Variants in DRAM2 observed in about 807,000 individuals in gnomAD.
The protein encoded by DRAM2 is DNA damage regulated autophagy modulator 2.
A neutral mutation model predicts 33.5 loss-of-function variants in DRAM2; 26 were observed. The ratio of observed to expected loss-of-function variants is 0.78; its 90% CI spans 0.57 to 1.08. The LOEUF (loss-of-function observed/expected upper bound fraction) is 1.08. DRAM2 is among the 50% of genes least tolerant of loss of function. The pLI is 0.00. For missense variants in DRAM2, 311 were observed against 318.1 expected (o/e 0.98, Z 0.17); for synonymous variants, 98 against 109.5 (o/e 0.89, Z 0.66).
At chr1:111,128,794 C>A (rs570689255) in intron 4 of DRAM2, among the ~76,000 whole-genome samples, 3 of 152,050 alleles carry the variant, frequency 2.0e-5, no homozygotes, top group Non-Finnish European at 2.9e-5. Context: ...AGAAGTGGAA[C>A]CCATGAATAT....
At chr1:111,120,906 T>A (rs1649926388) in intron 6 of DRAM2, among the ~76,000 whole-genome samples, 1 of 152,100 alleles carries the variant, frequency 6.6e-6, no homozygotes, top group South Asian at 2.1e-4. Flanking sequence ...CTATTTCATA[T>A]ACCTCCACTG....
At position 111,117,315 on chromosome 1, in the gene DRAM2, T is replaced by C. The variant is rs1309627362; in HGVS notation, c.*845A>G. 1 of 152,094 alleles carries C rather than the reference T, an allele frequency of 6.6e-6. No homozygotes were observed. The highest frequency in any genetic ancestry group is 1.5e-5 in the Non-Finnish European group (1 of 67,958). The allele number at this position is 152,094 out of a possible 1,614,324, so 9.4% of individuals were successfully genotyped here. A position where few individuals can be genotyped will look rare whatever the true frequency, so the allele number is the denominator to read the frequency against. On this transcript the variant is annotated 3_prime_UTR_variant, in exon 10 of 10. Coordinates refer to ENST00000484310, the MANE Select transcript of DRAM2 (RefSeq NM_001349884.2). ...AATTATAACTTGCCATAAATGAAAA[T>C]CTAAGAAGCTCTTGAGTATGGTTAT...
At chr1:111,123,248 T>G (rs886538842) in intron 6 of DRAM2, among the ~76,000 whole-genome samples, 1 of 152,194 alleles carries the variant, frequency 6.6e-6, no homozygotes, top group Non-Finnish European at 1.5e-5. Flanking sequence ...TGGGAACTAA[T>G]GTCCAGCAAA....
At chr1:111,132,153 G>C (rs538420659) in intron 3 of DRAM2, among the ~76,000 whole-genome samples, 1 of 152,294 alleles carries the variant, frequency 6.6e-6, no homozygotes, top group South Asian at 2.1e-4. Context: ...AAGGCAGAGA[G>C]AGAGGATGAA....
rs1055772130 is a variant in DRAM2, at chr1:111,138,872, A to AT, written c.-79+628dup. Among the ~76,000 whole-genome samples the AT allele has an allele frequency of 2.0e-5, 3 of 152,216 alleles. No individual in the cohort carries two copies. In the South Asian group the frequency reaches 6.2e-4, roughly 32 times the overall value. On this transcript the variant is annotated intron_variant, in intron 2 of 9. Transcript: ENST00000484310. ...TCTATGAATCAAAACTGTGATTACA[A>AT]TTTTTTAACAAATATTTAAATACCC...
chr1:111,118,110 T>TC lies in DRAM2; in HGVS notation c.*49dup. ...AGAATAAGCAACTTCTGTGAACCTTTCCCCAATCCCTGAGAATCATAATCA... is the reference window on the plus strand; with the variant it reads ...AGAATAAGCAACTTCTGTGAACCTTTCCCCCAATCCCTGAGAATCATAATCA... On this transcript the variant is annotated 3_prime_UTR_variant, in exon 10 of 10. Transcript: ENST00000484310. 1 of 1,570,544 alleles carries TC rather than the reference T, an allele frequency of 6.4e-7. No homozygotes were observed. Among genetic ancestry groups the TC allele is most frequent in the Non-Finnish European group, 8.8e-7 (1 of 1,141,326 alleles).
chr1:111,136,121 A>G (rs1653090936), intron 3 of DRAM2, among the ~76,000 whole-genome samples: 1 of 152,192 alleles, frequency 6.6e-6, no homozygotes, highest in South Asian at 2.1e-4. Context: ...CTCTTGGCCT[A>G]TCTGCTTTTC....
intron 6 of DRAM2, among the ~76,000 whole-genome samples, chr1:111,123,481 ATCTTGTTCAGTTTAGC>A (rs2101034866): frequency 6.6e-6 from 1 of 152,260 alleles, no homozygotes; most frequent in East Asian, 1.9e-4. Context: ...TTTAGCAAGA[ATCTTGTTCAGTTTAGC>A]CGTAATCATC....
chr1:111,120,500 G>A lies in DRAM2; in HGVS notation c.517+16C>T. On this transcript the variant is annotated intron_variant, in intron 7 of 9. Transcript: ENST00000484310. ...ATTCCTTTCCAAGTGTAGCCACATT[G>A]TACAGTGAAGGATACTGCTAAGTGC... 3 of 1,487,984 alleles carry A rather than the reference G, an allele frequency of 2.0e-6. No homozygotes were observed. The highest frequency in any genetic ancestry group is 1.2e-5 in the South Asian group (1 of 82,870). 92.2% of individuals were successfully genotyped at this position (1,487,984 alleles called of 1,614,324 possible). A position where few individuals can be genotyped will look rare whatever the true frequency, so the allele number is the denominator to read the frequency against.
At chr1:111,136,149 C>A (rs1337546567) in intron 3 of DRAM2, among the ~76,000 whole-genome samples, 3 of 152,204 alleles carry the variant, frequency 2.0e-5, no homozygotes, top group African/African-American at 7.2e-5. Flanking sequence ...TTCACCCATT[C>A]CACCTGCATT....
At chr1:111,129,186 T>C (rs888138247) in intron 4 of DRAM2, among the ~76,000 whole-genome samples, 2 of 152,232 alleles carry the variant, frequency 1.3e-5, no homozygotes, top group Non-Finnish European at 2.9e-5. Context: ...AAAAGATTAC[T>C]ATTTTCTGTG....
At chr1:111,127,331 G>A (rs1651208960) in intron 4 of DRAM2, among the ~76,000 whole-genome samples, 1 of 152,080 alleles carries the variant, frequency 6.6e-6, no homozygotes, top group Non-Finnish European at 1.5e-5. Context: ...AAAAGAAGTA[G>A]AAAGTTATAG....
intron 4 of DRAM2, among the ~76,000 whole-genome samples, chr1:111,130,072 T>TG (rs59822836): frequency 0.55 from 83,860 of 152,002 alleles, 24,099 homozygotes; most frequent in East Asian, 0.76. Context: ...CTTGGCCTTT[T>TG]GGCTAAGATC....
chr1:111,124,682 C>T (rs1571029664), intron 6 of DRAM2, 60 bp downstream of exon 6: 1 of 1,561,514 alleles, frequency 6.4e-7, no homozygotes, highest in Non-Finnish European at 8.7e-7. Flanking sequence ...TCAGGTTTCC[C>T]TTTTAATATA....
chr1:111,136,255 G>C (rs1215249360), intron 3 of DRAM2, among the ~76,000 whole-genome samples: 1 of 152,004 alleles, frequency 6.6e-6, no homozygotes, highest in Non-Finnish European at 1.5e-5. Context: ...CTCTGAACCA[G>C]TTTCTCCTTT....
intron 3 of DRAM2, among the ~76,000 whole-genome samples, chr1:111,135,985 C>G (rs1653064346): frequency 6.6e-6 from 1 of 152,170 alleles, no homozygotes; most frequent in Admixed American, 6.5e-5. Context: ...TCAGAGGAAT[C>G]TTAGGTTCTC....
At chr1:111,120,858 A>G (rs1294519848) in intron 6 of DRAM2, among the ~76,000 whole-genome samples, 165 bp from the exon 7 acceptor site, 1 of 152,094 alleles carries the variant, frequency 6.6e-6, no homozygotes, top group Non-Finnish European at 1.5e-5. Context: ...TTCTCTCATA[A>G]TACTCAGTTT....
Position 111,118,140 on chromosome 1 carries a change from A to T in DRAM2, c.*20T>A, listed in dbSNP as rs777784937. On this transcript the variant is annotated 3_prime_UTR_variant, in exon 10 of 10. Transcript: ENST00000484310. ...AATCCCTGAGAATCATAATCATTAC[A>T]GAAATATTTTATCCTTTCATCAAAT... 3 of 1,602,898 alleles carry T rather than the reference A, an allele frequency of 1.9e-6. No homozygotes were observed. Among genetic ancestry groups the T allele is most frequent in the Admixed American group, 1.7e-5 (1 of 59,904 alleles).
rs566850500 is a variant in DRAM2, at chr1:111,133,679, T to C, written c.-14-2111A>G. Reference sequence around the variant, plus strand: ...AGGTTAAGACAATTGCCCAAGGTCATAGAGCTGGATGTGGTGGAGATACGA... The same window carrying C: ...AGGTTAAGACAATTGCCCAAGGTCACAGAGCTGGATGTGGTGGAGATACGA... On this transcript the variant is annotated intron_variant, in intron 3 of 9. Transcript: ENST00000484310. 4.6e-5 allele frequency among the ~76,000 whole-genome samples: 7 copies of C among 152,376 alleles called. No homozygotes were observed. In the East Asian group the frequency reaches 7.7e-4, roughly 17 times the overall value.
Sources: allele counts gnomAD v4.1 joint callset (sites outside exome capture counted in the v4.1 genomes callset), GRCh38; gene constraint gnomAD v4.1.1; transcripts MANE v1.5; gene names NCBI Gene and HGNC (gene_info 2026-07-23, HGNC 2026-07-21).